The following FCHO1 variants were observed in gnomAD, a reference collection of about 807,000 sequenced individuals.
FCHO1 encodes F-BAR domain only protein 1.
Under a neutral mutation model 114.4 loss-of-function variants are expected in FCHO1, and 45 were observed. The observed-to-expected ratio is 0.39, with a 90% CI of 0.31 to 0.50. FCHO1 has a LOEUF of 0.50. FCHO1 is among the 20% of genes least tolerant of loss of function. The probability of loss-of-function intolerance (pLI) is 0.77; values close to 1 mark genes in which losing one functional copy is unlikely to be tolerated. For synonymous variants in FCHO1, 480 were observed against 488.9 expected (o/e 0.98, Z 0.24); for missense variants, 1,042 against 1,209.6 (o/e 0.86, Z 2.06).
chr19:17,783,551 A>G (rs1236560579), intron 24 of FCHO1, among the ~76,000 whole-genome samples: 4 of 150,114 alleles, frequency 2.7e-5, no homozygotes, highest in Admixed American at 1.3e-4. Flanking sequence ...TACAGGCGTG[A>G]GCTACCACAC....
At chr19:17,758,231 A>G (rs1421353509) in intron 4 of FCHO1, among the ~76,000 whole-genome samples, 3 of 151,842 alleles carry the variant, frequency 2.0e-5, no homozygotes, top group African/African-American at 7.3e-5. Flanking sequence ...AAAAAAGAGA[A>G]AACGTATTCC....
At chr19:17,754,790 C>T (rs776973818) in intron 3 of FCHO1, 109 bp downstream of exon 3, 46 of 257,580 alleles carry the variant, frequency 1.8e-4, no homozygotes, top group Middle Eastern at 2.9e-3. Context: ...CTCCTACCCA[C>T]TGCTATGAAC....
chr19:17,757,182 T>TA (rs768156240), intron 4 of FCHO1, among the ~76,000 whole-genome samples: 4,748 of 83,194 alleles, frequency 0.057, 191 homozygotes, highest in African/African-American at 0.13. Flanking sequence ...AGACTCCGTC[T>TA]AAAAAAAAAA....
chr19:17,782,578 T>A (rs1292010347), intron 23 of FCHO1, among the ~76,000 whole-genome samples: 4 of 151,892 alleles, frequency 2.6e-5, no homozygotes, highest in African/African-American at 9.7e-5. Flanking sequence ...ATGAAGGGAG[T>A]AATACTAGAA....
intron 23 of FCHO1, among the ~76,000 whole-genome samples, 189 bp from the exon 24 acceptor site, chr19:17,782,828 G>A (rs2093549767): frequency 6.6e-6 from 1 of 152,142 alleles, no homozygotes; most frequent in Non-Finnish European, 1.5e-5. Flanking sequence ...TCAGCCCAGG[G>A]TGGATTCTTC....
rs1387931651 is a variant in FCHO1 at position 17,762,773 on chromosome 19, T to G, written c.39T>G (p.Asn13Lys). 2 of 1,613,290 alleles carry G rather than the reference T, an allele frequency of 1.2e-6. No individual in the cohort carries two copies. The highest frequency in any genetic ancestry group is 1.7e-6 in the Non-Finnish European group (2 of 1,179,472). Residue 13 changes from asparagine to lysine, a missense_variant, in exon 5 of 29, where the codon AAT becomes AAG. This residue lies in a region of FCHO1 where 450 missense variants were observed against 564.1 expected (regional missense o/e 0.80). Coordinates refer to ENST00000596536, the MANE Select transcript of FCHO1 (RefSeq NM_015122.3). Reference sequence around the variant, plus strand: ...CCCATCCCCTGCAGGGCGAGAAAAATCATGGCTTTGAGGTCCTGTACCACA... The same window carrying G: ...CCCATCCCCTGCAGGGCGAGAAAAAGCATGGCTTTGAGGTCCTGTACCACA... ...YFGEHFWGEK[N>K]HGFEVLYHSV... is the part of the protein sequence containing the mutation.
chr19:17,779,269 A>G (rs143445980), intron 20 of FCHO1, among the ~76,000 whole-genome samples: 2,018 of 152,246 alleles, frequency 0.013, 16 homozygotes, highest in Non-Finnish European at 0.021. Context: ...CGGAAGGAGG[A>G]AGAAGAGAAG....
Position 17,764,440 on chromosome 19 carries a change from C to A in FCHO1, c.185C>A (p.Thr62Asn), listed in dbSNP as rs1327271912. 2.5e-6 allele frequency: 4 copies of A among 1,612,460 alleles called. No individual in the cohort carries two copies. Among genetic ancestry groups the A allele is most frequent in the East Asian group, 2.2e-5 (1 of 44,878 alleles). ...CTCTCCAAGCTGGCCAGCAACGGGACCCCCATGGGGTGAGTGGGGTAGGGG... is the reference window on the plus strand; with the variant it reads ...CTCTCCAAGCTGGCCAGCAACGGGAACCCCATGGGGTGAGTGGGGTAGGGG... Reference protein sequence around the residue: ...AKLSKLASNGTPMGTFAPLWE... With the variant: ...AKLSKLASNGNPMGTFAPLWE... The change falls in exon 6 of 29, where the codon ACC becomes AAC. Residue 62 changes from threonine to asparagine, a missense_variant. Transcript: ENST00000596536.
intron 28 of FCHO1, 30 bp from the exon 29 acceptor site, chr19:17,788,254 C>T: frequency 7.1e-7 from 1 of 1,398,760 alleles, no homozygotes; most frequent in Non-Finnish European, 1.0e-6. Flanking sequence ...CTCCTCCCCA[C>T]CCCTCCCCCT....
At position 17,776,208 on chromosome 19, in the gene FCHO1, G is replaced by T. The variant is rs745860638; in HGVS notation, c.1183-39G>T. On this transcript the variant is annotated intron_variant, in intron 16 of 28. Coordinates refer to ENST00000596536, the MANE Select transcript of FCHO1 (RefSeq NM_015122.3). The surrounding 1 kb of genome is among the most constrained non-coding windows in gnomAD (Gnocchi z 4.4). ...CTGGGTGTTGCTAGAGAGGCTGGCT[G>T]GATGCATTCGTGTGTGATGTTGCCC... 6.2e-7 allele frequency: 1 copy of T among 1,614,086 alleles called. No individual in the cohort carries two copies. The highest frequency in any genetic ancestry group is 8.5e-7 in the Non-Finnish European group (1 of 1,180,000).
rs1234677430 is a variant in FCHO1, at chr19:17,788,462, A to G, written c.*156A>G. The G allele has an allele frequency of 1.7e-6, 1 of 600,610 alleles. No individual in the cohort carries two copies. Among genetic ancestry groups the G allele is most frequent in the Non-Finnish European group, 3.0e-6 (1 of 334,280 alleles). The allele number at this position is 600,610 out of a possible 1,614,324, so 37.2% of individuals were successfully genotyped here. A position where few individuals can be genotyped will look rare whatever the true frequency, so the allele number is the denominator to read the frequency against. ...CATGCCCAGCCTGGCTGAGCCCGAG[A>G]TTCGCTCCTCCCCCTCATGCCAACC... On this transcript the variant is annotated 3_prime_UTR_variant, in exon 29 of 29. Transcript: ENST00000596536.
chr19:17,778,376 T>C, intron 19 of FCHO1, 148 bp downstream of exon 19: 2 of 688,416 alleles, frequency 2.9e-6, no homozygotes, highest in South Asian at 3.6e-5. Flanking sequence ...AGAGTGCGCG[T>C]GGGAGGGGCC....
intron 13 of FCHO1, 86 bp from the exon 14 acceptor site, chr19:17,774,970 A>G (rs150717293): frequency 0.019 from 28,231 of 1,483,466 alleles, 330 homozygotes; most frequent in Non-Finnish European, 0.022. Flanking sequence ...GAGCTGCCCC[A>G]GCTTCCATGT....
rs768529564 is a variant in FCHO1 at position 17,783,154 on chromosome 19, A to G, written c.2075A>G (p.Asn692Ser). The change falls in exon 24 of 29, where the codon AAC becomes AGC. Residue 692 changes from asparagine to serine, a missense_variant. By Grantham distance (46) the Asn-to-Ser change is conservative (BLOSUM62 1). Coordinates refer to ENST00000596536, the MANE Select transcript of FCHO1 (RefSeq NM_015122.3). ...HTTAIEHFQP[N>S]ADLLFSDPSQ... Reference sequence around the variant, plus strand: ...ACCGCTATTGAGCACTTCCAGCCCAACGCCGATCTGCTGTTCAGGTACTAT... The same window carrying G: ...ACCGCTATTGAGCACTTCCAGCCCAGCGCCGATCTGCTGTTCAGGTACTAT... 15 of 1,614,072 alleles carry G rather than the reference A, an allele frequency of 9.3e-6. No individual in the cohort carries two copies. Among genetic ancestry groups the G allele is most frequent in the Middle Eastern group, 1.6e-4 (1 of 6,062 alleles).
chr19:17,788,473 C>T lies in FCHO1; in HGVS notation c.*167C>T. The T allele has an allele frequency of 5.1e-6, 3 of 591,426 alleles. No individual in the cohort carries two copies. Among genetic ancestry groups the T allele is most frequent in the Middle Eastern group, 4.5e-4 (1 of 2,204 alleles). 36.6% of individuals were successfully genotyped at this position (591,426 alleles called of 1,614,324 possible). A position where few individuals can be genotyped will look rare whatever the true frequency, so the allele number is the denominator to read the frequency against. On this transcript the variant is annotated 3_prime_UTR_variant, in exon 29 of 29. Transcript: ENST00000596536. Reference sequence around the variant, plus strand: ...TGGCTGAGCCCGAGATTCGCTCCTCCCCCTCATGCCAACCCCACACAGGTC... The same window carrying T: ...TGGCTGAGCCCGAGATTCGCTCCTCTCCCTCATGCCAACCCCACACAGGTC...
Position 17,781,318 on chromosome 19 carries a change from C to T in FCHO1, c.1715C>T (p.Pro572Leu), listed in dbSNP as rs922839225. 2 of 1,614,048 alleles carry T rather than the reference C, an allele frequency of 1.2e-6. No individual in the cohort carries two copies. The highest frequency in any genetic ancestry group is 1.7e-5 in the Admixed American group (1 of 60,006). The part of the protein sequence containing the change: ...RRLRSRKVSC[P>L]LTRSNGDLSR... ...CTTCGCTCTAGGAAGGTGTCCTGCCCTCTCACACGTAGCAATGGGGACCTG... is the reference window on the plus strand; with the variant it reads ...CTTCGCTCTAGGAAGGTGTCCTGCCTTCTCACACGTAGCAATGGGGACCTG... Residue 572 changes from proline (P) to leucine (L), a missense_variant, in exon 21 of 29, where the codon CCT becomes CTT. Transcript: ENST00000596536.
chr19:17,766,621 G>T, intron 6 of FCHO1, 48 bp from the exon 7 acceptor site: 2 of 1,611,084 alleles, frequency 1.2e-6, no homozygotes, highest in South Asian at 1.1e-5. Flanking sequence ...GCTGTCCCGG[G>T]GTGGGGTGAG....
At chr19:17,783,259 A>ATTTTTTT (rs35570531) in intron 24 of FCHO1, 87 bp downstream of exon 24, 5 of 1,113,328 alleles carry the variant, frequency 4.5e-6, no homozygotes, top group Non-Finnish European at 6.2e-6. Flanking sequence ...GCTTCCTGGG[A>ATTTTTTT]TTTTTTCTTT....
chr19:17,765,931 C>T (rs1356247404), intron 6 of FCHO1, among the ~76,000 whole-genome samples: 1 of 140,954 alleles, frequency 7.1e-6, no homozygotes, highest in Admixed American at 7.6e-5. Context: ...CTCTGTCGCC[C>T]AGGCTGGAGT....
Sources: gnomAD v4.1 joint callset for allele counts (sites outside exome capture counted in the v4.1 genomes callset) on GRCh38, gnomAD v4.1.1 for gene constraint, gnomAD v4.1.1 regional missense constraint, Gnocchi (gnomAD v3.1) non-coding constraint, MANE v1.5 for transcripts, NCBI Gene and HGNC (gene_info 2026-07-23, HGNC 2026-07-21) for gene names.